Variants in EZH2 observed in about 807,000 individuals in gnomAD.
EZH2 encodes histone-lysine N-methyltransferase EZH2.
Under a neutral mutation model 98.4 loss-of-function variants are expected in EZH2, and 18 were observed. That is an observed-to-expected ratio of 0.18 (90% confidence interval 0.13 to 0.27). The LOEUF (loss-of-function observed/expected upper bound fraction) is 0.27. Ranked by LOEUF, EZH2 falls within the 10% of genes least tolerant of loss-of-function variation. The pLI, the probability that EZH2 is intolerant of heterozygous loss-of-function variation, is 1.00. For missense variants in EZH2, 470 were observed against 935.1 expected (o/e 0.50, Z 6.49); for synonymous variants, 338 against 312.3 (o/e 1.08, Z -0.87).
chr7:148,833,360 G>A (rs898269777), intron 3 of EZH2, among the ~76,000 whole-genome samples: 1 of 151,838 alleles, frequency 6.6e-6, no homozygotes, highest in African/African-American at 2.4e-5. Flanking sequence ...GGGAGGCTGA[G>A]GCAGGAGAAT....
At chr7:148,851,764 A>C (rs1815829572) in intron 1 of EZH2, among the ~76,000 whole-genome samples, 1 of 152,182 alleles carries the variant, frequency 6.6e-6, no homozygotes, top group Admixed American at 6.5e-5. Context: ...CCAACTACTC[A>C]GGAAGCTGAG....
At chr7:148,839,538 C>G (rs1432858554) in intron 3 of EZH2, among the ~76,000 whole-genome samples, 1 of 145,466 alleles carries the variant, frequency 6.9e-6, no homozygotes, top group Non-Finnish European at 1.5e-5. Flanking sequence ...GGGGGGGGGG[C>G]AATCTGCAAA....
chr7:148,819,835 T>G, intron 8 of EZH2, 148 bp from the exon 9 acceptor site: 1 of 652,544 alleles, frequency 1.5e-6, no homozygotes, highest in Non-Finnish European at 2.6e-6. Flanking sequence ...CTTCAGGCTC[T>G]TACTGAATGA....
intron 3 of EZH2, among the ~76,000 whole-genome samples, chr7:148,838,745 T>C (rs966344950): frequency 3.3e-5 from 5 of 152,086 alleles, no homozygotes; most frequent in African/African-American, 1.2e-4. Context: ...TACTACAAAG[T>C]AGTAGAGGTT....
chr7:148,865,237 A>C (rs1397036970), intron 1 of EZH2, among the ~76,000 whole-genome samples: 1 of 152,226 alleles, frequency 6.6e-6, no homozygotes, highest in East Asian at 1.9e-4. Flanking sequence ...GAATAAAAGC[A>C]AACAAAATGA....
intron 3 of EZH2, among the ~76,000 whole-genome samples, chr7:148,839,107 A>AGGAAGGAAGGAAGGTG (rs1307399209): frequency 6.9e-4 from 104 of 150,176 alleles, no homozygotes; most frequent in African/African-American, 2.3e-3. Context: ...GAAGGAAGGA[A>AGGAAGGAAGGAAGGTG]AGTGAGTGAG....
chr7:148,837,066 C>G (rs1193607303), intron 3 of EZH2: 4 of 444,898 alleles, frequency 9.0e-6, no homozygotes, highest in African/African-American at 2.0e-5. Flanking sequence ...GAGACTTTAC[C>G]AAAGTTAGCT....
chr7:148,862,064 T>C (rs1817754996), intron 1 of EZH2, among the ~76,000 whole-genome samples: 2 of 152,202 alleles, frequency 1.3e-5, no homozygotes, highest in Admixed American at 6.5e-5. Context: ...TATTAAAAAG[T>C]GGCTAGTTCA....
chr7:148,853,216 A>AGT (rs1417863780), intron 1 of EZH2, among the ~76,000 whole-genome samples: 1 of 152,180 alleles, frequency 6.6e-6, no homozygotes, highest in East Asian at 1.9e-4. Context: ...ATTCGAGACC[A>AGT]GTCTGGCCAA....
At chr7:148,833,938 G>A (rs1810148477) in intron 3 of EZH2, among the ~76,000 whole-genome samples, 1 of 152,162 alleles carries the variant, frequency 6.6e-6, no homozygotes, top group South Asian at 2.1e-4. Context: ...AAATGTGTCA[G>A]TGCACATAGT....
At chr7:148,848,612 T>C (rs138453828) in intron 1 of EZH2, among the ~76,000 whole-genome samples, 44 of 152,292 alleles carry the variant, frequency 2.9e-4, no homozygotes, top group Non-Finnish European at 6.2e-4. Flanking sequence ...AGATGGCTGT[T>C]TACTCAGAGC....
intron 4 of EZH2, among the ~76,000 whole-genome samples, chr7:148,831,275 T>TATTC (rs1190692958): frequency 6.6e-6 from 1 of 152,216 alleles, no homozygotes; most frequent in East Asian, 1.9e-4. Flanking sequence ...GGTTTTAATG[T>TATTC]ATTCATATAT....
intron 8 of EZH2, among the ~76,000 whole-genome samples, chr7:148,821,421 T>G (rs557467296): frequency 6.6e-6 from 1 of 152,212 alleles, no homozygotes; most frequent in Non-Finnish European, 1.5e-5. Flanking sequence ...TATGGTTAGT[T>G]AGACTTAACC....
rs114965752 is a variant in EZH2, at chr7:148,846,110, C to A, written c.246+360G>T. On this transcript the variant is annotated intron_variant, in intron 3 of 19. Transcript: ENST00000320356. ...TCCATGAATATTAAAACATTTCTTA[C>A]CACATGGCTAATTCAAATTGGGGTT... Among the ~76,000 whole-genome samples, 1,233 of 152,260 alleles carry A rather than the reference C, an allele frequency of 8.1e-3. 11 individuals are homozygous for A. Among genetic ancestry groups the A allele is most frequent in the African/African-American group, 0.028 (1,163 of 41,544 alleles).
intron 1 of EZH2, among the ~76,000 whole-genome samples, chr7:148,857,982 AC>A (rs2129487673): frequency 6.6e-6 from 1 of 150,400 alleles, no homozygotes; most frequent in South Asian, 2.1e-4. Flanking sequence ...TTATTTAAAA[AC>A]ATAGGATTAA....
chr7:148,830,760 C>T, intron 4 of EZH2, among the ~76,000 whole-genome samples: 1 of 151,992 alleles, frequency 6.6e-6, no homozygotes. Flanking sequence ...AAAGTTAAGA[C>T]AGAATAGAAT....
intron 1 of EZH2, among the ~76,000 whole-genome samples, chr7:148,866,220 A>G (rs1818421187): frequency 1.3e-5 from 2 of 152,124 alleles, no homozygotes; most frequent in South Asian, 4.2e-4. Context: ...TTAATAATTG[A>G]TGAGACTTGT....
At chr7:148,819,146 G>C in intron 9 of EZH2, 2 of 418,474 alleles carry the variant, frequency 4.8e-6, no homozygotes, top group Non-Finnish European at 9.3e-6. Context: ...CCCCTTACCT[G>C]TTCTCCATCA....
intron 1 of EZH2, among the ~76,000 whole-genome samples, chr7:148,873,541 T>A (rs1477823698): frequency 7.3e-6 from 1 of 137,206 alleles, no homozygotes. Flanking sequence ...GTTTGCAGAA[T>A]CATTTCATGC....
Sources: gnomAD v4.1 joint callset for allele counts (sites outside exome capture counted in the v4.1 genomes callset) on GRCh38, gnomAD v4.1.1 for gene constraint, MANE v1.5 for transcripts, NCBI Gene and HGNC (gene_info 2026-07-23, HGNC 2026-07-21) for gene names.